COLGALT2: variants seen among roughly 807,000 people sequenced by gnomAD.
COLGALT2 encodes procollagen galactosyltransferase 2.
A neutral mutation model predicts 73.4 loss-of-function variants in COLGALT2; 49 were observed. The ratio of observed to expected loss-of-function variants is 0.67; its 90% confidence interval spans 0.53 to 0.85. The LOEUF is 0.85. Ranked by LOEUF, COLGALT2 falls within the 40% of genes least tolerant of loss-of-function variation. The pLI, the probability that COLGALT2 is intolerant of heterozygous loss-of-function variation, is 0.00. For missense variants in COLGALT2, 722 were observed against 790.2 expected, an observed-to-expected ratio of 0.91 and a Z score of 1.03; for synonymous variants, 295 against 307.6, an observed-to-expected ratio of 0.96 and a Z score of 0.43.
intron 5 of COLGALT2, among the ~76,000 whole-genome samples, chr1:183,964,908 T>C (rs780116860): frequency 6.6e-6 from 1 of 152,180 alleles, no homozygotes; most frequent in Non-Finnish European, 1.5e-5. Context: ...AAGCCTGTGA[T>C]TTGTTAATTG....
downstream of COLGALT2, among the ~76,000 whole-genome samples, chr1:183,932,220 G>C (rs1572621103): frequency 1.3e-5 from 2 of 152,186 alleles, no homozygotes; most frequent in African/African-American, 4.8e-5. Context: ...AGTTTGGTGA[G>C]ATCTGACTGC....
At chr1:184,032,669 A>T (rs1480452925) in intron 1 of COLGALT2, among the ~76,000 whole-genome samples, 1 of 152,252 alleles carries the variant, frequency 6.6e-6, no homozygotes. Flanking sequence ...CTGCTTTTTC[A>T]GCCATAAACC....
At position 183,989,902 on chromosome 1, in the gene COLGALT2, C is replaced by T. The variant is rs77451549; in HGVS notation, c.264-11382G>A. ...CAGCATGTGAAGGAGCTTTCAAGAA[C>T]ACTTTCCTTGAAAGCTGGCCTTCCC... On this transcript the variant is annotated intron_variant, in intron 1 of 11. Transcript: ENST00000361927. Among the ~76,000 whole-genome samples, 121 of 152,302 alleles carry T rather than the reference C, an allele frequency of 7.9e-4. 1 individual carries two copies. In the East Asian group the frequency reaches 0.021, roughly 27 times the overall value.
intron 1 of COLGALT2, among the ~76,000 whole-genome samples, chr1:183,989,985 A>C (rs74130498): frequency 0.043 from 6,551 of 152,276 alleles, 505 homozygotes; most frequent in African/African-American, 0.15. Flanking sequence ...AGCTTGTTGA[A>C]TAGGCTCTTA....
At chr1:184,015,146 T>A (rs1465277203) in intron 1 of COLGALT2, among the ~76,000 whole-genome samples, 1 of 151,154 alleles carries the variant, frequency 6.6e-6, no homozygotes, top group East Asian at 1.9e-4. Flanking sequence ...TTGCAATTGG[T>A]CCACGCTAGA....
downstream of COLGALT2, among the ~76,000 whole-genome samples, chr1:183,934,438 T>C (rs540731010): frequency 2.6e-5 from 4 of 152,296 alleles, no homozygotes; most frequent in Admixed American, 6.5e-5. Context: ...CTGCATTTAA[T>C]TGAAGGACAG....
In COLGALT2 at chr1:183,954,653, C is replaced by A. The variant is rs937560320; in HGVS notation, c.1029+109G>T. 3.4e-4 allele frequency: 268 copies of A among 778,272 alleles called. 2 individuals are homozygous for A. In the East Asian group the frequency reaches 7.2e-3, roughly 21 times the overall value. The allele number at this position is 778,272 out of a possible 1,614,324, so 48.2% of individuals were successfully genotyped here. ...AAGACCTCAGAGCCATTTCAGCAGC[C>A]AAGCCAGTCTTGCTGGCTCTCAGAT... On this transcript the variant is annotated intron_variant, in intron 7 of 11. Coordinates refer to ENST00000361927, the MANE Select transcript of COLGALT2 (RefSeq NM_015101.4).
At chr1:184,032,597 G>A (rs1649550028) in intron 1 of COLGALT2, among the ~76,000 whole-genome samples, 1 of 152,204 alleles carries the variant, frequency 6.6e-6, no homozygotes, top group Non-Finnish European at 1.5e-5. Flanking sequence ...TTGGGAAAAT[G>A]AGGAAAGGAG....
At chr1:183,952,705 T>C (rs141718360) in intron 7 of COLGALT2, among the ~76,000 whole-genome samples, 211 of 152,348 alleles carry the variant, frequency 1.4e-3, no homozygotes, top group African/African-American at 4.9e-3. Flanking sequence ...ATATTCCCTT[T>C]GAAGAAATTG....
intron 4 of COLGALT2, among the ~76,000 whole-genome samples, chr1:183,970,790 A>G (rs1050187494): frequency 6.6e-6 from 1 of 152,240 alleles, no homozygotes; most frequent in South Asian, 2.1e-4. Flanking sequence ...GGGAACTGCA[A>G]TTCATTATAT....
chr1:183,993,803 TATTTTC>T (rs71697536), intron 1 of COLGALT2, among the ~76,000 whole-genome samples: 12,637 of 152,138 alleles, frequency 0.083, 860 homozygotes, highest in East Asian at 0.4. Flanking sequence ...TTAAAATTCT[TATTTTC>T]ATTCCCACAT....
At chr1:183,948,558 A>G (rs1670308718) in intron 8 of COLGALT2, among the ~76,000 whole-genome samples, 1 of 152,164 alleles carries the variant, frequency 6.6e-6, no homozygotes, top group South Asian at 2.1e-4. Flanking sequence ...AATAGGACTA[A>G]AAGGGACCTT....
At chr1:184,030,571 A>G (rs1001126491) in intron 1 of COLGALT2, among the ~76,000 whole-genome samples, 11 of 152,226 alleles carry the variant, frequency 7.2e-5, no homozygotes, top group Non-Finnish European at 1.0e-4. Context: ...TGCACGTTTA[A>G]GTGTTGGAAA....
At chr1:183,957,789 T>G (rs929297421) in intron 6 of COLGALT2, among the ~76,000 whole-genome samples, 24 of 150,612 alleles carry the variant, frequency 1.6e-4, no homozygotes, top group Admixed American at 1.4e-3. Context: ...TTTTTTTTTT[T>G]TTTTTTTTTT....
intron 5 of COLGALT2, among the ~76,000 whole-genome samples, chr1:183,967,107 C>G (rs978364889): frequency 6.6e-6 from 1 of 152,240 alleles, no homozygotes; most frequent in Non-Finnish European, 1.5e-5. Context: ...GACTCCCAGG[C>G]TCATTCATGT....
intron 7 of COLGALT2, 48 bp downstream of exon 7, chr1:183,954,714 A>G (rs755436127): frequency 1.4e-6 from 2 of 1,427,444 alleles, no homozygotes; most frequent in Admixed American, 3.4e-5. Context: ...TGAACACACA[A>G]GCCTGCACAC....
chr1:183,939,111 G>A (rs2102786118), intron 11 of COLGALT2, 74 bp from the exon 12 acceptor site: 1 of 1,099,586 alleles, frequency 9.1e-7, no homozygotes, highest in Non-Finnish European at 1.3e-6. Context: ...AAGAGTGAAG[G>A]AGGCCTCCTG....
rs1437789966 is a variant in COLGALT2 at position 183,937,179 on chromosome 1, G to A, written c.*1582C>T. 2.4e-6 allele frequency: 3 copies of A among 1,225,750 alleles called. No homozygotes were observed. The highest frequency in any genetic ancestry group is 4.3e-5 in the South Asian group (1 of 23,404). 75.9% of individuals were successfully genotyped at this position (1,225,750 alleles called of 1,614,324 possible). On this transcript the variant is annotated 3_prime_UTR_variant, in exon 12 of 12. Transcript: ENST00000361927. ...CTGCTCTGAAGGGCCCTCCCCATGA[G>A]TTTAAGTGTGAAGCTCAGGGTTTGG...
At chr1:184,017,087 C>T (rs1649024372) in intron 1 of COLGALT2, among the ~76,000 whole-genome samples, 1 of 152,178 alleles carries the variant, frequency 6.6e-6, no homozygotes, top group Non-Finnish European at 1.5e-5. Context: ...TCTGTTAGAA[C>T]ACAGTCTAAC....
Sources: allele counts gnomAD v4.1 joint callset (sites outside exome capture counted in the v4.1 genomes callset), GRCh38; gene constraint gnomAD v4.1.1; transcripts MANE v1.5; gene names NCBI Gene and HGNC (gene_info 2026-07-23, HGNC 2026-07-21).